SIN3A: variants seen among roughly 807,000 people sequenced by gnomAD.
SIN3A encodes paired amphipathic helix protein Sin3a.
Under a neutral mutation model 146.1 loss-of-function variants are expected in SIN3A, and 14 were observed. The ratio of observed to expected loss-of-function variants is 0.10; its 90% CI spans 0.06 to 0.15. The LOEUF is 0.15. Among genes scored for constraint, SIN3A ranks in the 10% least tolerant of loss-of-function variants. The pLI, the probability that SIN3A is intolerant of heterozygous loss-of-function variation, is 1.00. For missense variants in SIN3A, 1,028 were observed against 1,576.0 expected, an observed-to-expected ratio of 0.65 and a Z score of 5.89; for synonymous variants, 572 against 572.0, an observed-to-expected ratio of 1.00 and a Z score of 0.00.
At chr15:75,384,066 C>A (rs58841977) in intron 17 of SIN3A, 198 bp downstream of exon 17, 3 of 310,878 alleles carry the variant, frequency 9.7e-6, no homozygotes, top group African/African-American at 2.2e-5. Flanking sequence ...TTTTTTTTTT[C>A]TTTAAAGGCA....
chr15:75,413,168 A>G, intron 4 of SIN3A, 123 bp from the exon 5 acceptor site: 4 of 903,006 alleles, frequency 4.4e-6, no homozygotes, highest in Non-Finnish European at 6.4e-6. Context: ...GCTGGACTGC[A>G]ATGGTGCAAT....
intron 16 of SIN3A, chr15:75,388,220 A>G (rs917225549): frequency 6.6e-6 from 1 of 152,226 alleles, no homozygotes; most frequent in Non-Finnish European, 1.5e-5. Flanking sequence ...CTTTCTGCTG[A>G]GCTATTCTAT....
chr15:75,407,016 T>A, intron 9 of SIN3A, 39 bp downstream of exon 9: 1 of 1,405,498 alleles, frequency 7.1e-7, no homozygotes, highest in Non-Finnish European at 1.0e-6. Flanking sequence ...TCTTTTGGCA[T>A]TAACAGGCAC....
At position 75,371,584 on chromosome 15, in the gene SIN3A, T is replaced by C; in HGVS notation, c.*395A>G. The C allele has an allele frequency of 5.4e-6, 1 of 183,956 alleles. No individual in the cohort carries two copies. Among genetic ancestry groups the C allele is most frequent in the East Asian group, 1.5e-4 (1 of 6,686 alleles). 11.4% of individuals were successfully genotyped at this position (183,956 alleles called of 1,614,324 possible). On this transcript the variant is annotated 3_prime_UTR_variant, in exon 21 of 21. Coordinates refer to ENST00000394947, the MANE Select transcript of SIN3A (RefSeq NM_001145358.2). ...CTGAGTATTAAGTCCTTCTCCAGTC[T>C]GTTTTGTAAATGCATCTCCATCCAG...
intron 13 of SIN3A, 63 bp downstream of exon 13, chr15:75,396,195 T>TA: frequency 8.6e-7 from 1 of 1,160,196 alleles, no homozygotes; most frequent in Non-Finnish European, 1.3e-6. Flanking sequence ...GAGCCTTATT[T>TA]AATGAGACAC....
At chr15:75,411,413 C>T in intron 6 of SIN3A, 79 bp downstream of exon 6, 2 of 1,389,588 alleles carry the variant, frequency 1.4e-6, no homozygotes, top group East Asian at 2.3e-5. Flanking sequence ...TTAATGGACA[C>T]AATAATGGTT....
intron 8 of SIN3A, 37 bp downstream of exon 8, chr15:75,409,799 G>A (rs772792736): frequency 1.9e-6 from 3 of 1,602,278 alleles, no homozygotes; most frequent in African/African-American, 2.7e-5. Context: ...AGAAATACTT[G>A]TGAGTGTCAA....
rs548728065 is a variant in SIN3A at position 75,399,830 on chromosome 15, G to T, written c.1854+210C>A. ...CAATTTCAGTTAAAAGGGCTAAAGTGGCCTAGATAAGTCACATTTGCCATA... is the reference window on the plus strand; with the variant it reads ...CAATTTCAGTTAAAAGGGCTAAAGTTGCCTAGATAAGTCACATTTGCCATA... On this transcript the variant is annotated intron_variant, in intron 12 of 20. Coordinates refer to ENST00000394947, the MANE Select transcript of SIN3A (RefSeq NM_001145358.2). Among the ~76,000 whole-genome samples the T allele has an allele frequency of 6.6e-5, 10 of 152,300 alleles. No individual in the cohort carries two copies. In the East Asian group the frequency reaches 1.9e-3, roughly 29 times the overall value.
intron 1 of SIN3A, among the ~76,000 whole-genome samples, chr15:75,439,181 G>A (rs2074156930): frequency 6.6e-6 from 1 of 152,150 alleles, no homozygotes; most frequent in Admixed American, 6.5e-5. Context: ...AACTCGGGAA[G>A]ATGGAATGCT....
In SIN3A at chr15:75,412,270, T is replaced by C. The variant is rs145416610; in HGVS notation, c.756+493A>G. On this transcript the variant is annotated intron_variant, in intron 5 of 20. Coordinates refer to ENST00000394947, the MANE Select transcript of SIN3A (RefSeq NM_001145358.2). ...AAACTGAATTTAATTTAAATAGTCC[T>C]ATGTGGCTAGTGGCTACTGTGTCAG... is the stretch of plus-strand genomic sequence containing the variant. Among the ~76,000 whole-genome samples the C allele has an allele frequency of 4.6e-5, 7 of 152,382 alleles. No homozygotes were observed. The East Asian group carries it at 1.2e-3, about 25-fold the overall frequency.
chr15:75,442,120 CAAAAAAAAAAA>C (rs57418865), intron 1 of SIN3A, among the ~76,000 whole-genome samples: 44 of 29,274 alleles, frequency 1.5e-3, no homozygotes, highest in African/African-American at 4.1e-3. Flanking sequence ...GACTCTGTCT[CAAAAAAAAAAA>C]AAAAAAAAAA....
intron 8 of SIN3A, among the ~76,000 whole-genome samples, chr15:75,409,237 T>C (rs1310972687): frequency 1.3e-5 from 2 of 151,678 alleles, no homozygotes; most frequent in Non-Finnish European, 2.9e-5. Flanking sequence ...TTTCAAGTAT[T>C]GGAAATTCTT....
intron 1 of SIN3A, among the ~76,000 whole-genome samples, chr15:75,446,780 T>C (rs2074314993): frequency 6.6e-6 from 1 of 152,112 alleles, no homozygotes; most frequent in African/African-American, 2.4e-5. Flanking sequence ...CATATCCTTT[T>C]TTTTTTCTTT....
upstream of SIN3A, among the ~76,000 whole-genome samples, chr15:75,452,554 CAAGTA>C (rs1029340298): frequency 1.3e-5 from 2 of 152,236 alleles, no homozygotes; most frequent in African/African-American, 4.8e-5. Flanking sequence ...TCCTTTCAGC[CAAGTA>C]GAGTACAGAA....
intron 2 of SIN3A, 66 bp from the exon 3 acceptor site, chr15:75,422,889 A>G (rs564216176): frequency 6.7e-7 from 1 of 1,490,568 alleles, no homozygotes; most frequent in Non-Finnish European, 9.2e-7. Flanking sequence ...ATGAGTCTAA[A>G]TAACTAACAC....
At chr15:75,409,111 G>A (rs2073576605) in intron 8 of SIN3A, among the ~76,000 whole-genome samples, 1 of 152,104 alleles carries the variant, frequency 6.6e-6, no homozygotes, top group Non-Finnish European at 1.5e-5. Context: ...GGCTGCGGCA[G>A]GATAATTGCT....
At chr15:75,444,319 T>C (rs1328599931) in intron 1 of SIN3A, among the ~76,000 whole-genome samples, 1 of 152,128 alleles carries the variant, frequency 6.6e-6, no homozygotes, top group Non-Finnish European at 1.5e-5. Context: ...TACACACCTG[T>C]AATCCCAGCT....
chr15:75,430,484 C>G (rs1243876869), intron 1 of SIN3A, 76 bp from the exon 2 acceptor site: 8 of 1,148,666 alleles, frequency 7.0e-6, no homozygotes, highest in Non-Finnish European at 8.4e-6. Flanking sequence ...GACCAGTCAC[C>G]CAAGTTTAGT....
rs773186502 is a variant in SIN3A at position 75,412,991 on chromosome 15, G to A, written c.528C>T (p.Pro176=). ...AGGTGTTGAATCCCATTATCAGATC[G>A]GGGTGGCCTTTGAATAGCTGGGACA... ...SRVSQLFKGH[P]DLIMGFNTFL... Residue 176 remains proline (P), a synonymous_variant, in exon 5 of 21, where the codon CCC becomes CCT. Coordinates refer to ENST00000394947, the MANE Select transcript of SIN3A (RefSeq NM_001145358.2). 6 of 1,614,034 alleles carry A rather than the reference G, an allele frequency of 3.7e-6. No individual in the cohort carries two copies. Among genetic ancestry groups the A allele is most frequent in the East Asian group, 2.2e-5 (1 of 44,880 alleles).
Sources: allele counts gnomAD v4.1 joint callset (sites outside exome capture counted in the v4.1 genomes callset), GRCh38; gene constraint gnomAD v4.1.1; transcripts MANE v1.5; gene names NCBI Gene and HGNC (gene_info 2026-07-23, HGNC 2026-07-21).